The following RBPJ variants were observed in gnomAD, a reference collection of about 807,000 sequenced individuals.
The protein encoded by RBPJ is recombination signal binding protein for immunoglobulin kappa J region.
RBPJ carries 9 observed loss-of-function variants against 67.8 expected under a neutral mutation model. The ratio of observed to expected loss-of-function variants is 0.13; its 90% CI spans 0.08 to 0.23. The LOEUF (loss-of-function observed/expected upper bound fraction) is 0.23. RBPJ is among the 10% of genes least tolerant of loss of function. RBPJ has a pLI of 1.00. For missense variants in RBPJ, 305 were observed against 595.6 expected, an observed-to-expected ratio of 0.51 and a Z score of 5.08; for synonymous variants, 198 against 203.3, an observed-to-expected ratio of 0.97 and a Z score of 0.22.
intron 1 of RBPJ, among the ~76,000 whole-genome samples, chr4:26,341,213 T>G (rs1725490867): frequency 6.6e-6 from 1 of 152,088 alleles, no homozygotes; most frequent in East Asian, 1.9e-4. Flanking sequence ...GAGAAAGAGG[T>G]GCCAGTGGGG....
chr4:26,203,213 C>T (rs1298916507), intron 1 of RBPJ, among the ~76,000 whole-genome samples: 2 of 152,094 alleles, frequency 1.3e-5, no homozygotes, highest in Non-Finnish European at 2.9e-5. Flanking sequence ...TTTCTATGCT[C>T]AAAATTACCT....
rs199628014 is a variant in RBPJ, at chr4:26,229,180, T to C, written c.-167+65566T>C. On this transcript the variant is annotated intron_variant, in intron 1 of 4. Transcript: ENST00000512351. The stretch of plus-strand genomic sequence containing the variant: ...AGATTTAATAAACACATTCCTCTCT[T>C]CTTTTTCCTTTTGGGTAGATTTTCC... Among the ~76,000 whole-genome samples the C allele has an allele frequency of 1.6e-4, 25 of 152,336 alleles. No individual in the cohort carries two copies. In the East Asian group the frequency reaches 2.7e-3, roughly 16 times the overall value.
chr4:26,392,649 T>C (rs1013048918), intron 2 of RBPJ, among the ~76,000 whole-genome samples: 1 of 152,206 alleles, frequency 6.6e-6, no homozygotes. Context: ...GATCAGTGGT[T>C]TCCTGGGGAT....
At chr4:26,402,143 C>T (rs111595191) in intron 2 of RBPJ, among the ~76,000 whole-genome samples, 2,568 of 152,254 alleles carry the variant, frequency 0.017, 40 homozygotes, top group Non-Finnish European at 0.026. Flanking sequence ...CTGCCTCAGC[C>T]TCCCAAAGTA....
chr4:26,192,608 G>T (rs754683144), intron 1 of RBPJ, among the ~76,000 whole-genome samples: 14 of 152,160 alleles, frequency 9.2e-5, no homozygotes, highest in Non-Finnish European at 1.9e-4. Context: ...TCTATGAGGT[G>T]GGTCTGATTA....
chr4:26,285,983 C>A (rs770200556), intron 1 of RBPJ, among the ~76,000 whole-genome samples: 5 of 152,104 alleles, frequency 3.3e-5, no homozygotes, highest in Non-Finnish European at 2.9e-5. Flanking sequence ...GGCTTAGTGG[C>A]GTATGCCTGT....
intron 1 of RBPJ, among the ~76,000 whole-genome samples, chr4:26,268,954 T>A (rs1183136702): frequency 6.6e-6 from 1 of 152,264 alleles, no homozygotes; most frequent in Non-Finnish European, 1.5e-5. Context: ...GATTTCATAA[T>A]GAACACTTTG....
At chr4:26,208,231 T>G (rs1273746757) in intron 1 of RBPJ, among the ~76,000 whole-genome samples, 1 of 152,216 alleles carries the variant, frequency 6.6e-6, no homozygotes, top group Non-Finnish European at 1.5e-5. Flanking sequence ...ACAACTATCT[T>G]CCCATCTTGC....
chr4:26,389,816 A>T (rs2109654740), intron 2 of RBPJ, among the ~76,000 whole-genome samples: 1 of 152,188 alleles, frequency 6.6e-6, no homozygotes, highest in South Asian at 2.1e-4. Flanking sequence ...AAACCTTCTG[A>T]CAAAACTGCA....
At chr4:26,214,525 GAAGGAGGA>G (rs1247458812) in intron 1 of RBPJ, among the ~76,000 whole-genome samples, 1 of 39,060 alleles carries the variant, frequency 2.6e-5, no homozygotes, top group Non-Finnish European at 4.8e-5. Flanking sequence ...GGGAGGGAGG[GAAGGAGGA>G]AGGGAGGGAG....
chr4:26,243,666 C>A (rs1719723767), intron 1 of RBPJ, among the ~76,000 whole-genome samples: 1 of 152,162 alleles, frequency 6.6e-6, no homozygotes, highest in Non-Finnish European at 1.5e-5. Context: ...TTAAATTTAG[C>A]AGAATATGGA....
At chr4:26,284,469 T>C (rs566977721) in intron 1 of RBPJ, among the ~76,000 whole-genome samples, 1 of 152,142 alleles carries the variant, frequency 6.6e-6, no homozygotes, top group South Asian at 2.1e-4. Context: ...TTTTAATTTT[T>C]ATTTTATTTT....
intron 1 of RBPJ, among the ~76,000 whole-genome samples, chr4:26,198,728 C>T (rs750188500): frequency 2.0e-5 from 3 of 152,162 alleles, no homozygotes; most frequent in African/African-American, 7.2e-5. Context: ...ATCCAGGCCA[C>T]CAGCCTCTAG....
chr4:26,179,055 A>G (rs1035360581), intron 1 of RBPJ, among the ~76,000 whole-genome samples: 20 of 152,054 alleles, frequency 1.3e-4, no homozygotes, highest in African/African-American at 4.3e-4. Context: ...CACAACACTC[A>G]CCAGGGACCC....
chr4:26,322,474 T>C (rs1723187831), intron 1 of RBPJ, among the ~76,000 whole-genome samples: 1 of 152,148 alleles, frequency 6.6e-6, no homozygotes, highest in Non-Finnish European at 1.5e-5. Context: ...TCTTAATCAT[T>C]AGATAGTTTA....
At chr4:26,124,884 T>C in the RBPJ span, among the ~76,000 whole-genome samples, 3 of 152,322 alleles carry the variant, frequency 2.0e-5, no homozygotes, top group South Asian at 2.1e-4. Flanking sequence ...CAGTTCATCA[T>C]TGACCGAATG....
chr4:26,235,408 TG>T (rs1398453267), intron 1 of RBPJ, among the ~76,000 whole-genome samples: 1 of 152,230 alleles, frequency 6.6e-6, no homozygotes, highest in African/African-American at 2.4e-5. Context: ...TATTTATACC[TG>T]GGCCAAGAAC....
chr4:26,138,881 C>G, the RBPJ span, among the ~76,000 whole-genome samples: 1 of 152,194 alleles, frequency 6.6e-6, no homozygotes, highest in Non-Finnish European at 1.5e-5. Context: ...TGGAGAAGAG[C>G]AAGGCTTAGG....
chr4:26,149,621 C>T, the RBPJ span, among the ~76,000 whole-genome samples: 8 of 152,184 alleles, frequency 5.3e-5, no homozygotes, highest in African/African-American at 1.9e-4. Flanking sequence ...TCAGCTCTCT[C>T]TCTCTCTCTT....
Sources: allele counts gnomAD v4.1 joint callset (sites outside exome capture counted in the v4.1 genomes callset), GRCh38; gene constraint gnomAD v4.1.1; transcripts MANE v1.5; gene names NCBI Gene and HGNC (gene_info 2026-07-23, HGNC 2026-07-21).